Variants in SORCS2 observed in about 807,000 individuals in gnomAD.
SORCS2 encodes the protein sortilin related VPS10 domain containing receptor 2.
In SORCS2, 100 loss-of-function variants were observed where a neutral mutation model predicts 141.6. That is an observed-to-expected ratio of 0.71 (90% CI 0.60 to 0.83). The LOEUF is 0.83. Among genes scored for constraint, SORCS2 ranks in the 40% least tolerant of loss-of-function variants. The pLI is 0.00. For missense variants in SORCS2, 1,646 were observed against 1,560.2 expected, an observed-to-expected ratio of 1.05 and a Z score of -0.93; for synonymous variants, 789 against 676.9, an observed-to-expected ratio of 1.17 and a Z score of -2.57.
chr4:7,472,674 TG>T (rs2109349184), intron 2 of SORCS2, among the ~76,000 whole-genome samples: 1 of 152,104 alleles, frequency 6.6e-6, no homozygotes, highest in South Asian at 2.1e-4. Flanking sequence ...CCGGAAGAAG[TG>T]GGAGGCGGCA....
At chr4:7,375,621 G>A (rs1358192350) in intron 1 of SORCS2, among the ~76,000 whole-genome samples, 1 of 152,236 alleles carries the variant, frequency 6.6e-6, no homozygotes, top group Non-Finnish European at 1.5e-5. Flanking sequence ...AGGCTTGGCT[G>A]CCCAGAACCA....
intron 1 of SORCS2, among the ~76,000 whole-genome samples, chr4:7,278,435 A>G (rs1231703310): frequency 6.6e-6 from 1 of 152,210 alleles, no homozygotes. Context: ...GCGATGTCCC[A>G]AGAGTTGTTC....
chr4:7,729,953 C>A (rs1175227059), intron 23 of SORCS2, among the ~76,000 whole-genome samples: 1 of 152,142 alleles, frequency 6.6e-6, no homozygotes, highest in East Asian at 1.9e-4. Context: ...TGGACCACCT[C>A]CCAGGGGGCT....
chr4:7,506,126 GAC>G (rs1732264962), intron 2 of SORCS2, among the ~76,000 whole-genome samples: 2 of 152,256 alleles, frequency 1.3e-5, no homozygotes, highest in South Asian at 4.2e-4. Flanking sequence ...CAGTGGTAGG[GAC>G]ACTCCGGGGT....
intron 3 of SORCS2, among the ~76,000 whole-genome samples, chr4:7,600,469 T>G (rs1717583930): frequency 6.6e-6 from 1 of 152,010 alleles, no homozygotes; most frequent in Non-Finnish European, 1.5e-5. Flanking sequence ...TCTGCGTGGA[T>G]GTTGATCGCG....
chr4:7,199,797 C>T (rs191104274), intron 1 of SORCS2, among the ~76,000 whole-genome samples: 1 of 152,244 alleles, frequency 6.6e-6, no homozygotes, highest in East Asian at 1.9e-4. Flanking sequence ...TGCACCCCCT[C>T]AAGTGCTGGT....
At chr4:7,212,957 G>A (rs1192802159) in intron 1 of SORCS2, among the ~76,000 whole-genome samples, 2 of 152,220 alleles carry the variant, frequency 1.3e-5, no homozygotes, top group Non-Finnish European at 2.9e-5. Flanking sequence ...GGAACAACCC[G>A]TGGCCATTGG....
At chr4:7,724,880 GTGGTGGTGT>G (rs1727058880) in intron 19 of SORCS2, among the ~76,000 whole-genome samples, 3 of 73,728 alleles carry the variant, frequency 4.1e-5, no homozygotes, top group East Asian at 4.2e-4. Context: ...AGTGGTGATG[GTGGTGGTGT>G]TGGTGATGGT....
At chr4:7,737,226 C>G in intron 26 of SORCS2, 54 bp downstream of exon 26, 3 of 1,546,672 alleles carry the variant, frequency 1.9e-6, no homozygotes, top group Non-Finnish European at 1.7e-6. Context: ...TAACGTCCGC[C>G]CCAAACCCAC....
intron 1 of SORCS2, among the ~76,000 whole-genome samples, chr4:7,222,906 C>T (rs1211512336): frequency 6.6e-6 from 1 of 152,160 alleles, no homozygotes. Flanking sequence ...CCCTCCACTC[C>T]ACCTTGACTC....
intron 19 of SORCS2, among the ~76,000 whole-genome samples, chr4:7,724,310 G>A (rs111065392): frequency 0.02 from 2,123 of 106,522 alleles, 65 homozygotes; most frequent in African/African-American, 0.07. Context: ...GACAATGGTG[G>A]TGGTGGTGGT....
chr4:7,438,801 C>G (rs1210442243), intron 2 of SORCS2, among the ~76,000 whole-genome samples: 5 of 152,158 alleles, frequency 3.3e-5, no homozygotes, highest in South Asian at 2.1e-4. Flanking sequence ...CCCCTCCCTC[C>G]TTTCCTCTCA....
intron 1 of SORCS2, among the ~76,000 whole-genome samples, chr4:7,305,361 G>GTTTTTTTTTTTTTTT (rs5855954): frequency 1.5e-5 from 2 of 137,768 alleles, no homozygotes; most frequent in Non-Finnish European, 1.6e-5. Context: ...TTCTACTTTA[G>GTTTTTTTTTTTTTTT]TTTTTTTTTT....
chr4:7,651,370 G>C (rs1273085137), intron 4 of SORCS2, among the ~76,000 whole-genome samples: 1 of 152,200 alleles, frequency 6.6e-6, no homozygotes, highest in Non-Finnish European at 1.5e-5. Flanking sequence ...GCTGGTTCCA[G>C]GTGAGGATGG....
At chr4:7,716,707 C>CCA (rs1726218110) in intron 17 of SORCS2, among the ~76,000 whole-genome samples, 1 of 151,980 alleles carries the variant, frequency 6.6e-6, no homozygotes, top group East Asian at 1.9e-4. Context: ...ATCCATCCAT[C>CCA]TACTTATCTA....
intron 1 of SORCS2, among the ~76,000 whole-genome samples, chr4:7,383,074 G>A (rs1206332174): frequency 2.6e-5 from 4 of 152,070 alleles, no homozygotes; most frequent in South Asian, 2.1e-4. Context: ...TCGATCCCAC[G>A]GAGTCCTCAT....
At chr4:7,724,431 G>A (rs1726904072) in intron 19 of SORCS2, among the ~76,000 whole-genome samples, 5 of 144,552 alleles carry the variant, frequency 3.5e-5, no homozygotes, top group African/African-American at 1.4e-4. Context: ...TGGTGGTGGT[G>A]ATAATGGTGA....
chr4:7,645,089 A>G (rs1441452296), intron 4 of SORCS2, among the ~76,000 whole-genome samples: 1 of 152,246 alleles, frequency 6.6e-6, no homozygotes, highest in Non-Finnish European at 1.5e-5. Context: ...GCCATCCATT[A>G]ATGTGGAGGC....
chr4:7,700,802 A>C (rs1454620451), intron 12 of SORCS2, among the ~76,000 whole-genome samples: 5 of 152,168 alleles, frequency 3.3e-5, no homozygotes, highest in Admixed American at 3.3e-4. Context: ...TCCCCACTCC[A>C]GCCTGCGACC....
Sources: allele counts gnomAD v4.1 joint callset (sites outside exome capture counted in the v4.1 genomes callset), GRCh38; gene constraint gnomAD v4.1.1; transcripts MANE v1.5; gene names NCBI Gene and HGNC (gene_info 2026-07-23, HGNC 2026-07-21).